CKAP2L: variants seen among roughly 807,000 people sequenced by gnomAD.
CKAP2L encodes cytoskeleton-associated protein 2-like.
A neutral mutation model predicts 65.7 loss-of-function variants in CKAP2L; 42 were observed. That is an observed-to-expected ratio of 0.64 (90% CI 0.50 to 0.83). The LOEUF is 0.83. CKAP2L is among the 40% of genes least tolerant of loss of function. CKAP2L has a pLI of 0.00. For synonymous variants in CKAP2L, 325 were observed against 313.5 expected, an observed-to-expected ratio of 1.04 and a Z score of -0.39; for missense variants, 908 against 871.0, an observed-to-expected ratio of 1.04 and a Z score of -0.53.
At chr2:112,758,013 G>C (rs1680597388) in intron 3 of CKAP2L, among the ~76,000 whole-genome samples, 2 of 152,144 alleles carry the variant, frequency 1.3e-5, no homozygotes, top group South Asian at 4.1e-4. Flanking sequence ...CATCCCTGGA[G>C]ATCAGTGACA....
chr2:112,758,106 T>C (rs562713828), intron 3 of CKAP2L, among the ~76,000 whole-genome samples: 3 of 152,328 alleles, frequency 2.0e-5, no homozygotes, highest in Non-Finnish European at 2.9e-5. Context: ...ATAGTCATAT[T>C]TGTAAAATCA....
intron 8 of CKAP2L, among the ~76,000 whole-genome samples, chr2:112,740,211 G>A (rs1419335407): frequency 6.6e-6 from 1 of 152,128 alleles, no homozygotes; most frequent in Non-Finnish European, 1.5e-5. Context: ...AATGGTGTGT[G>A]TCAGAGAGTT....
chr2:112,752,387 C>T lies in CKAP2L; in HGVS notation c.1482G>A (p.Lys494=). The T allele has an allele frequency of 6.2e-7, 1 of 1,611,370 alleles. No individual in the cohort carries two copies. Among genetic ancestry groups the T allele is most frequent in the Non-Finnish European group, 8.5e-7 (1 of 1,177,886 alleles). Residue 494 remains lysine, a synonymous_variant, in exon 5 of 9, where the codon AAG becomes AAA. Transcript: ENST00000302450. ...MELKTKRKVI[K]EMNISFWKSI... ...TCTTCCAGAATGAAATATTCATTTCCTTTATTACTTTTCTTTTTGTTTTAA... is the reference window on the plus strand; with the variant it reads ...TCTTCCAGAATGAAATATTCATTTCTTTTATTACTTTTCTTTTTGTTTTAA...
At chr2:112,739,339 T>C (rs1161186004) in intron 8 of CKAP2L, among the ~76,000 whole-genome samples, 1 of 152,114 alleles carries the variant, frequency 6.6e-6, no homozygotes, top group Admixed American at 6.6e-5. Context: ...GAGGACTGCT[T>C]GAGCCCAGAA....
intron 3 of CKAP2L, among the ~76,000 whole-genome samples, chr2:112,759,707 T>G (rs1680659776): frequency 6.6e-6 from 1 of 152,216 alleles, no homozygotes; most frequent in Admixed American, 6.5e-5. Context: ...CTTATATACA[T>G]TTTGCTATCC....
At chr2:112,759,766 ACATATG>A (rs1055815893) in intron 3 of CKAP2L, among the ~76,000 whole-genome samples, 2 of 152,320 alleles carry the variant, frequency 1.3e-5, no homozygotes, top group Admixed American at 6.5e-5. Context: ...ATATATGTCT[ACATATG>A]CATATGCATA....
chr2:112,757,163 G>C lies in CKAP2L; in HGVS notation c.208C>G (p.Pro70Ala). The C allele has an allele frequency of 6.2e-7, 1 of 1,613,410 alleles. No homozygotes were observed. Among genetic ancestry groups the C allele is most frequent in the Admixed American group, 1.7e-5 (1 of 59,922 alleles). ...VTNHVVLPVK[P>A]KRSISIKLQP... The stretch of plus-strand genomic sequence containing the variant: ...AGTTTAATGCTGATGGACCTTTTAG[G>C]TTTGACAGGCAAAACAACATGGTTG... Residue 70 changes from proline to alanine, a missense_variant, in exon 4 of 9, where the codon CCT becomes GCT. Pro to Ala is a conservative substitution (Grantham distance 27). Coordinates refer to ENST00000302450, the MANE Select transcript of CKAP2L (RefSeq NM_152515.5).
rs17042342 is a variant in CKAP2L, at chr2:112,756,603, T to C, written c.768A>G (p.Val256=). 84,113 of 1,612,690 alleles carry C rather than the reference T, an allele frequency of 0.052. 3,038 individuals carry two copies. The highest frequency in any genetic ancestry group is 0.18 in the African/African-American group (13,544 of 74,800). Residue 256 remains valine, a synonymous_variant, in exon 4 of 9, where the codon GTA becomes GTG. Coordinates refer to ENST00000302450, the MANE Select transcript of CKAP2L (RefSeq NM_152515.5). ...CTCCTCTAGAGAGTTGCTGTGATTT[T>C]ACTGGGAAAGTCCTGCTTTGTGTTT... The part of the protein sequence containing the change: ...VGETQSRTFP[V]KSQQLSRGAD...
In CKAP2L at chr2:112,756,635, C is replaced by G. The variant is rs758072975; in HGVS notation, c.736G>C (p.Val246Leu). ...VLKDRVNKQF[V>L]GETQSRTFPV... is the part of the protein sequence containing the mutation. ...AAAGTCCTGCTTTGTGTTTCTCCAACAAATTGTTTATTAACCCTATCTTTC... is the reference window on the plus strand; with the variant it reads ...AAAGTCCTGCTTTGTGTTTCTCCAAGAAATTGTTTATTAACCCTATCTTTC... Residue 246 changes from valine (V) to leucine (L), a missense_variant, in exon 4 of 9, where the codon GTT becomes CTT. Coordinates refer to ENST00000302450, the MANE Select transcript of CKAP2L (RefSeq NM_152515.5). 2 of 1,610,388 alleles carry G rather than the reference C, an allele frequency of 1.2e-6. No homozygotes were observed. Among genetic ancestry groups the G allele is most frequent in the South Asian group, 2.2e-5 (2 of 90,334 alleles).
At chr2:112,751,354 T>C (rs1680366615) in intron 5 of CKAP2L, among the ~76,000 whole-genome samples, 2 of 152,184 alleles carry the variant, frequency 1.3e-5, no homozygotes, top group African/African-American at 4.8e-5. Flanking sequence ...ATACCTATAC[T>C]GTATGGACAT....
chr2:112,746,710 A>G (rs769837148), intron 5 of CKAP2L, 135 bp from the exon 6 acceptor site: 250 of 559,848 alleles, frequency 4.5e-4, no homozygotes, highest in Non-Finnish European at 6.8e-4. Flanking sequence ...AAAAATTTCA[A>G]TTTTACTGAG....
chr2:112,750,766 TC>T (rs1680348775), intron 5 of CKAP2L, among the ~76,000 whole-genome samples: 1 of 150,382 alleles, frequency 6.6e-6, no homozygotes, highest in Non-Finnish European at 1.5e-5. Context: ...CAGAGGCAAA[TC>T]TGCTATAGCA....
chr2:112,762,445 A>T (rs1205301695), intron 2 of CKAP2L, 58 bp downstream of exon 2: 13 of 1,310,068 alleles, frequency 9.9e-6, no homozygotes, highest in Non-Finnish European at 2.2e-6. Flanking sequence ...AAAAGGCTTT[A>T]AATTGCTAGT....
At chr2:112,763,170 C>T (rs958222136) in intron 1 of CKAP2L, among the ~76,000 whole-genome samples, 1 of 152,270 alleles carries the variant, frequency 6.6e-6, no homozygotes, top group Non-Finnish European at 1.5e-5. Context: ...ATGTCATGCC[C>T]AAAGTTACCC....
At chr2:112,753,517 G>GTTTCT (rs1553441709) in intron 4 of CKAP2L, among the ~76,000 whole-genome samples, 6 of 124,730 alleles carry the variant, frequency 4.8e-5, no homozygotes, top group African/African-American at 1.8e-4. Flanking sequence ...TATCCTTAAA[G>GTTTCT]TTTCTTTTCT....
In CKAP2L at chr2:112,752,435, G is replaced by A. The variant is rs760610173; in HGVS notation, c.1434C>T (p.Thr478=). 1 of 1,610,704 alleles carries A rather than the reference G, an allele frequency of 6.2e-7. No individual in the cohort carries two copies. The change falls in exon 5 of 9, where the codon ACC becomes ACT. Residue 478 remains threonine, a synonymous_variant. Coordinates refer to ENST00000302450, the MANE Select transcript of CKAP2L (RefSeq NM_152515.5). ...TAAGTTCCATAGGAGGCCGTTTATA[G>A]GTTTTTCCCTTAGATTTCTGCCATT... ...LEEWQKSKGK[T]YKRPPMELKT... is the part of the protein sequence containing the mutation.
chr2:112,751,023 A>G (rs927656671), intron 5 of CKAP2L, among the ~76,000 whole-genome samples: 5 of 152,178 alleles, frequency 3.3e-5, no homozygotes, highest in African/African-American at 1.2e-4. Flanking sequence ...CAAAATTACT[A>G]AAGTTGACTC....
At chr2:112,743,364 G>A (rs2862226) in intron 6 of CKAP2L, among the ~76,000 whole-genome samples, 61,277 of 151,668 alleles carry the variant, frequency 0.4, 14,753 homozygotes, top group East Asian at 0.69. Context: ...GGATGGTCTC[G>A]ATCTCCTGAC....
intron 3 of CKAP2L, among the ~76,000 whole-genome samples, chr2:112,757,608 T>C (rs762605300): frequency 3.7e-4 from 57 of 152,146 alleles, no homozygotes; most frequent in Non-Finnish European, 7.4e-4. Flanking sequence ...CAGGTTGGTC[T>C]TGAAGTCCTG....
Sources: gnomAD v4.1 joint callset for allele counts (sites outside exome capture counted in the v4.1 genomes callset) on GRCh38, gnomAD v4.1.1 for gene constraint, MANE v1.5 for transcripts, NCBI Gene and HGNC (gene_info 2026-07-23, HGNC 2026-07-21) for gene names.